RPS6KC1: variants seen among roughly 807,000 people sequenced by gnomAD.
RPS6KC1 encodes the protein ribosomal protein S6 kinase C1.
Under a neutral mutation model 103.8 loss-of-function variants are expected in RPS6KC1, and 54 were observed. The ratio of observed to expected loss-of-function variants is 0.52; its 90% CI spans 0.42 to 0.65. The LOEUF is 0.65. Ranked by LOEUF, RPS6KC1 falls within the 30% of genes least tolerant of loss-of-function variation. The pLI is 0.00. For synonymous variants in RPS6KC1, 439 were observed against 438.7 expected, an observed-to-expected ratio of 1.00 and a Z score of -0.01; for missense variants, 1,151 against 1,253.8, an observed-to-expected ratio of 0.92 and a Z score of 1.24.
At chr1:213,102,882 G>A (rs951847687) in intron 3 of RPS6KC1, among the ~76,000 whole-genome samples, 4 of 152,130 alleles carry the variant, frequency 2.6e-5, no homozygotes, top group Non-Finnish European at 5.9e-5. Flanking sequence ...TTGCCTAAGA[G>A]GTTGTGTATG....
the RPS6KC1 span, among the ~76,000 whole-genome samples, chr1:213,545,421 A>AAAT: frequency 7.8e-5 from 6 of 77,170 alleles, no homozygotes; most frequent in Non-Finnish European, 1.6e-4. Context: ...TAAATAAAAT[A>AAAT]AAATAAAATA....
intron 10 of RPS6KC1, among the ~76,000 whole-genome samples, chr1:213,233,843 T>C (rs769594062): frequency 2.0e-5 from 3 of 152,310 alleles, no homozygotes; most frequent in Non-Finnish European, 4.4e-5. Flanking sequence ...TTTTGACCAT[T>C]CATTTTAGGT....
chr1:213,481,074 CT>C, the RPS6KC1 span, among the ~76,000 whole-genome samples: 1 of 151,986 alleles, frequency 6.6e-6, no homozygotes, highest in East Asian at 1.9e-4. Flanking sequence ...CTATATTTTT[CT>C]TTTTTGTTCT....
At chr1:213,785,641 C>G in the RPS6KC1 span, among the ~76,000 whole-genome samples, 43 of 151,970 alleles carry the variant, frequency 2.8e-4, no homozygotes, top group South Asian at 9.0e-3. Flanking sequence ...CAATGCCTGC[C>G]GTGGATGGGG....
At chr1:213,656,603 G>T in the RPS6KC1 span, among the ~76,000 whole-genome samples, 1 of 152,176 alleles carries the variant, frequency 6.6e-6, no homozygotes, top group Non-Finnish European at 1.5e-5. Context: ...ACGTTTCTGA[G>T]ATTTCACAGC....
chr1:213,803,373 A>C, the RPS6KC1 span, among the ~76,000 whole-genome samples: 1 of 151,354 alleles, frequency 6.6e-6, no homozygotes, highest in Non-Finnish European at 1.5e-5. Flanking sequence ...CAGCCTCCCA[A>C]GTAGCTGGGA....
At chr1:213,596,243 T>A in the RPS6KC1 span, among the ~76,000 whole-genome samples, 3 of 152,208 alleles carry the variant, frequency 2.0e-5, no homozygotes, top group East Asian at 5.8e-4. Context: ...CCCTCTTTGG[T>A]CATGCTCTGG....
chr1:213,396,865 A>G, the RPS6KC1 span, among the ~76,000 whole-genome samples: 3 of 152,260 alleles, frequency 2.0e-5, no homozygotes, highest in South Asian at 4.1e-4. Flanking sequence ...AGTAGTGTTT[A>G]CCTGCTGTGA....
the RPS6KC1 span, among the ~76,000 whole-genome samples, chr1:213,466,254 T>A: frequency 1.6e-4 from 25 of 152,264 alleles, no homozygotes; most frequent in Admixed American, 3.9e-4. Flanking sequence ...CTTTTAAAAG[T>A]TAAGATTTTA....
chr1:213,435,869 T>C, the RPS6KC1 span, among the ~76,000 whole-genome samples: 1 of 152,158 alleles, frequency 6.6e-6, no homozygotes, highest in Non-Finnish European at 1.5e-5. Flanking sequence ...CTGTACTCTT[T>C]CCTGCCAACC....
At chr1:213,157,491 GCCACC>G (rs1317321609) in intron 6 of RPS6KC1, among the ~76,000 whole-genome samples, 7 of 152,170 alleles carry the variant, frequency 4.6e-5, no homozygotes, top group Non-Finnish European at 7.3e-5. Context: ...ACAGACGTGA[GCCACC>G]ATGCCCGGCC....
At chr1:213,382,755 C>T in the RPS6KC1 span, among the ~76,000 whole-genome samples, 3 of 152,178 alleles carry the variant, frequency 2.0e-5, no homozygotes, top group Admixed American at 1.3e-4. Flanking sequence ...AGGCACAGGC[C>T]ATTTTCATCG....
At chr1:213,666,438 C>G in the RPS6KC1 span, among the ~76,000 whole-genome samples, 1 of 152,254 alleles carries the variant, frequency 6.6e-6, no homozygotes, top group South Asian at 2.1e-4. Context: ...TAATTACAGA[C>G]AGTATTTGCA....
the RPS6KC1 span, among the ~76,000 whole-genome samples, chr1:213,418,131 T>G: frequency 4.5e-4 from 69 of 152,226 alleles, no homozygotes; most frequent in African/African-American, 1.5e-3. Flanking sequence ...TGACCTTGAG[T>G]GAATGAGCAG....
chr1:213,308,488 C>A, the RPS6KC1 span, among the ~76,000 whole-genome samples: 1 of 152,096 alleles, frequency 6.6e-6, no homozygotes, highest in African/African-American at 2.4e-5. Context: ...TTGAGACTCA[C>A]TGAATATTTA....
the RPS6KC1 span, among the ~76,000 whole-genome samples, chr1:213,323,118 T>C: frequency 6.6e-6 from 1 of 151,902 alleles, no homozygotes; most frequent in Non-Finnish European, 1.5e-5. Context: ...TTTCTCTTTC[T>C]CTGAGTTCTG....
At chr1:213,214,968 C>G (rs914911041) in intron 8 of RPS6KC1, among the ~76,000 whole-genome samples, 1 of 152,286 alleles carries the variant, frequency 6.6e-6, no homozygotes, top group Admixed American at 6.5e-5. Flanking sequence ...AAAATCAGAG[C>G]GCCTGTCCTC....
At chr1:213,695,884 T>C in the RPS6KC1 span, among the ~76,000 whole-genome samples, 3 of 152,206 alleles carry the variant, frequency 2.0e-5, no homozygotes, top group South Asian at 2.1e-4. Flanking sequence ...AAGGATTGAG[T>C]AGAAAACCCA....
At chr1:213,068,327 T>C (rs1477948543) in intron 1 of RPS6KC1, among the ~76,000 whole-genome samples, 2 of 151,408 alleles carry the variant, frequency 1.3e-5, no homozygotes, top group Non-Finnish European at 2.9e-5. Context: ...CTACTAAAAA[T>C]ACAAAAATTC....
Sources: allele counts gnomAD v4.1 joint callset (sites outside exome capture counted in the v4.1 genomes callset), GRCh38; gene constraint gnomAD v4.1.1; transcripts MANE v1.5; gene names NCBI Gene and HGNC (gene_info 2026-07-23, HGNC 2026-07-21).